Variants in ASH1L observed in about 807,000 individuals in gnomAD.
The protein encoded by ASH1L is ASH1 like histone lysine methyltransferase.
ASH1L carries 23 observed loss-of-function variants against 269.0 expected under a neutral mutation model. That is an observed-to-expected ratio of 0.09 (90% confidence interval 0.06 to 0.12). The LOEUF (loss-of-function observed/expected upper bound fraction) is 0.12, where lower values mean the gene tolerates loss of function less well. Among genes scored for constraint, ASH1L ranks in the 10% least tolerant of loss-of-function variants. The probability of loss-of-function intolerance (pLI) is 1.00; values close to 1 mark genes in which losing one functional copy is unlikely to be tolerated. For missense variants in ASH1L, 2,912 were observed against 3,567.8 expected, an observed-to-expected ratio of 0.82 and a Z score of 4.68; for synonymous variants, 1,187 against 1,253.5, an observed-to-expected ratio of 0.95 and a Z score of 1.12.
chr1:155,505,927 G>A (rs1211798726), intron 2 of ASH1L, among the ~76,000 whole-genome samples: 1 of 152,112 alleles, frequency 6.6e-6, no homozygotes, highest in East Asian at 1.9e-4. Flanking sequence ...CCATGTTGGT[G>A]TGCTGCACCC....
Position 155,380,030 on chromosome 1 carries a change from A to G in ASH1L, c.6177+13T>C, listed in dbSNP as rs1377246742. 5.7e-6 allele frequency: 9 copies of G among 1,591,862 alleles called. No individual in the cohort carries two copies. Among genetic ancestry groups the G allele is most frequent in the South Asian group, 1.1e-5 (1 of 89,436 alleles). Reference sequence around the variant, plus strand: ...ACTTAAGAATGAAACCTGGTAAAACAGGCTCTCTGTACCTGATTGTGTTTC... The same window carrying G: ...ACTTAAGAATGAAACCTGGTAAAACGGGCTCTCTGTACCTGATTGTGTTTC... On this transcript the variant is annotated intron_variant, in intron 8 of 27. Coordinates refer to ENST00000392403, the MANE Select transcript of ASH1L (RefSeq NM_018489.3).
intron 1 of ASH1L, among the ~76,000 whole-genome samples, chr1:155,524,787 C>A (rs938601634): frequency 5.9e-5 from 9 of 151,986 alleles, no homozygotes; most frequent in African/African-American, 2.2e-4. Context: ...TTACACTGAG[C>A]CGTGATTGTA....
intron 1 of ASH1L, among the ~76,000 whole-genome samples, chr1:155,556,406 G>C (rs980560684): frequency 6.4e-5 from 4 of 62,722 alleles, no homozygotes; most frequent in African/African-American, 1.7e-4. Flanking sequence ...ATATACGTGT[G>C]TGTGTGTGTG....
chr1:155,483,569 C>T (rs953438813), intron 2 of ASH1L, among the ~76,000 whole-genome samples: 2 of 152,040 alleles, frequency 1.3e-5, no homozygotes, highest in African/African-American at 4.8e-5. Flanking sequence ...GAAAACGCTA[C>T]AATCTAGTTA....
At chr1:155,493,425 T>A (rs913710155) in intron 2 of ASH1L, among the ~76,000 whole-genome samples, 3 of 152,270 alleles carry the variant, frequency 2.0e-5, no homozygotes, top group African/African-American at 7.2e-5. Context: ...CATGTGCTGT[T>A]AAATATATTT....
At chr1:155,510,209 T>C (rs975596186) in intron 2 of ASH1L, among the ~76,000 whole-genome samples, 4 of 149,772 alleles carry the variant, frequency 2.7e-5, no homozygotes, top group African/African-American at 7.4e-5. Context: ...AGGTCAGGAG[T>C]TCGAGACCAG....
At chr1:155,421,813 T>C (rs1298888378) in intron 5 of ASH1L, among the ~76,000 whole-genome samples, 6 of 152,240 alleles carry the variant, frequency 3.9e-5, no homozygotes, top group Non-Finnish European at 8.8e-5. Flanking sequence ...GATACACATA[T>C]GACTAATTTT....
Position 155,480,727 on chromosome 1 carries a change from T to C in ASH1L, c.2143A>G (p.Arg715Gly). 1 of 1,613,822 alleles carries C rather than the reference T, an allele frequency of 6.2e-7. No homozygotes were observed. Among genetic ancestry groups the C allele is most frequent in the African/African-American group, 1.3e-5 (1 of 75,042 alleles). Residue 715 changes from arginine (R) to glycine (G), a missense_variant, in exon 3 of 28, where the codon AGA becomes GGA. Physicochemically the swap from Arg to Gly is moderately radical, Grantham distance 125 (BLOSUM62 -2). Around this residue, in one of 13 missense-constraint regions of ASH1L, gnomAD observed 715 missense variants for 721.0 expected, o/e 0.99. Transcript: ENST00000392403. ...ACCACTTTAGTCCACCGAGGTTTTC[T>C]TCCTTTTCTTTTTTTTAATGGTTTG... The part of the protein sequence containing the change: ...QSKPLKKRKG[R>G]KPRWTKVVAR...
Position 155,562,147 on chromosome 1 carries a change from A to C in ASH1L, c.-100+6T>G. 1 of 1,542,514 alleles carries C rather than the reference A, an allele frequency of 6.5e-7. No individual in the cohort carries two copies. Among genetic ancestry groups the C allele is most frequent in the Non-Finnish European group, 8.9e-7 (1 of 1,124,702 alleles). ...CCCGAATGCCGGCCCAAATCGTTCT[A>C]CTCACCGTGTCGGAGGCCGAGGCCG... On this transcript the variant is annotated splice_donor_region_variant and intron_variant, in intron 1 of 27. Transcript: ENST00000392403.
In ASH1L at chr1:155,357,372, G is replaced by A. The variant is rs1438279280; in HGVS notation, c.6999C>T (p.Asn2333=). Residue 2333 remains asparagine (N), a synonymous_variant, in exon 15 of 28, where the codon AAC becomes AAT. Coordinates refer to ENST00000392403, the MANE Select transcript of ASH1L (RefSeq NM_018489.3). ...ATTGGGGGGTCAATCTAGTTGGGGT[G>A]TTGATATTTTCACTGGGTTCCTCAG... is the stretch of plus-strand genomic sequence containing the variant. ...HLSEEPSENI[N]TPTRLTPQLQ... 4 of 1,613,796 alleles carry A rather than the reference G, an allele frequency of 2.5e-6. No homozygotes were observed. Among genetic ancestry groups the A allele is most frequent in the Non-Finnish European group, 3.4e-6 (4 of 1,179,982 alleles).
chr1:155,364,665 C>T (rs1192694152), intron 12 of ASH1L, among the ~76,000 whole-genome samples: 2 of 152,018 alleles, frequency 1.3e-5, no homozygotes, highest in African/African-American at 2.4e-5. Context: ...TCAGGCCCGG[C>T]ATGGTGGCTC....
At chr1:155,504,822 C>T (rs1667712378) in intron 2 of ASH1L, among the ~76,000 whole-genome samples, 1 of 148,020 alleles carries the variant, frequency 6.8e-6, no homozygotes, top group South Asian at 2.1e-4. Flanking sequence ...CCATTGTCTC[C>T]AGCCTGGGCA....
At chr1:155,497,066 T>C (rs2148782660) in intron 2 of ASH1L, among the ~76,000 whole-genome samples, 1 of 152,322 alleles carries the variant, frequency 6.6e-6, no homozygotes, top group African/African-American at 2.4e-5. Context: ...CTAGTTACTG[T>C]TCTTTTCAGA....
rs552247844 is a variant in ASH1L at position 155,345,115 on chromosome 1, C to T, written c.7891-842G>A. On this transcript the variant is annotated intron_variant, in intron 21 of 27. Transcript: ENST00000392403. ...GGGACTACAGGCACGCAACACCACG[C>T]CCAGCTAATTTTTGTATTTTTAGTA... Among the ~76,000 whole-genome samples, 5 of 151,890 alleles carry T rather than the reference C, an allele frequency of 3.3e-5. No homozygotes were observed. In the East Asian group the frequency reaches 9.7e-4, roughly 29 times the overall value.
chr1:155,409,104 A>G (rs1659550810), intron 6 of ASH1L, among the ~76,000 whole-genome samples: 1 of 151,940 alleles, frequency 6.6e-6, no homozygotes, highest in South Asian at 2.1e-4. Context: ...AGCTCACTAC[A>G]ACCTCTGCTT....
intron 15 of ASH1L, among the ~76,000 whole-genome samples, chr1:155,355,539 T>C (rs533628074): frequency 6.1e-4 from 93 of 152,316 alleles, no homozygotes; most frequent in Non-Finnish European, 8.2e-4. Context: ...TTCCTGCACA[T>C]TGGAATCCCC....
intron 6 of ASH1L, among the ~76,000 whole-genome samples, chr1:155,409,192 A>C (rs1276080383): frequency 6.6e-6 from 1 of 151,896 alleles, no homozygotes; most frequent in Non-Finnish European, 1.5e-5. Context: ...GGCCTGGCTA[A>C]TTTTTGCATT....
intron 2 of ASH1L, among the ~76,000 whole-genome samples, chr1:155,520,823 T>C (rs996411740): frequency 2.0e-5 from 3 of 152,146 alleles, no homozygotes; most frequent in East Asian, 1.9e-4. Context: ...GATCACACCA[T>C]TGCACTCCAG....
chr1:155,343,355 A>G lies in ASH1L; in HGVS notation c.8252T>C (p.Val2751Ala), dbSNP rs760674599. The change falls in exon 24 of 28, where the codon GTG (valine) becomes GCG (alanine). Residue 2751 changes from valine (V) to alanine (A), a missense_variant. Transcript: ENST00000392403. The surrounding 1 kb of genome is among the most constrained non-coding windows in gnomAD (Gnocchi z 6.1). ...AAGGTCCAACACACAGCAGGTCCCC[A>G]CTACAGCCTCCAAGGGAATGATCTC... ...LYEIIPLEAVVGTCCVLDLYT... is the reference protein window; with the variant it reads ...LYEIIPLEAVAGTCCVLDLYT... The G allele has an allele frequency of 6.2e-7, 1 of 1,614,192 alleles. No individual in the cohort carries two copies. The highest frequency in any genetic ancestry group is 8.5e-7 in the Non-Finnish European group (1 of 1,180,028).
Sources: gnomAD v4.1 joint callset for allele counts (sites outside exome capture counted in the v4.1 genomes callset) on GRCh38, gnomAD v4.1.1 for gene constraint, gnomAD v4.1.1 regional missense constraint, Gnocchi (gnomAD v3.1) non-coding constraint, MANE v1.5 for transcripts, NCBI Gene and HGNC (gene_info 2026-07-23, HGNC 2026-07-21) for gene names.